Variants in SPAG16 observed in about 807,000 individuals in gnomAD.
The protein encoded by SPAG16 is sperm-associated antigen 16 protein.
A neutral mutation model predicts 80.4 loss-of-function variants in SPAG16; 86 were observed. That is an observed-to-expected ratio of 1.07 (90% CI 0.90 to 1.28). The LOEUF (loss-of-function observed/expected upper bound fraction) is 1.28, where lower values mean the gene tolerates loss of function less well. SPAG16 is among the 50% of genes most tolerant of loss of function. The pLI is 0.00. For missense variants in SPAG16, 870 were observed against 765.3 expected, an observed-to-expected ratio of 1.14 and a Z score of -1.61; for synonymous variants, 294 against 265.9, an observed-to-expected ratio of 1.11 and a Z score of -1.03.
chr2:213,738,601 G>T (rs1197234235), intron 10 of SPAG16, among the ~76,000 whole-genome samples: 1 of 152,060 alleles, frequency 6.6e-6, no homozygotes, highest in East Asian at 1.9e-4. Flanking sequence ...TCAATACAGA[G>T]GTGCCATAAG....
At chr2:213,290,304 C>G (rs756779959) in intron 1 of SPAG16, among the ~76,000 whole-genome samples, 5 of 152,208 alleles carry the variant, frequency 3.3e-5, no homozygotes, top group African/African-American at 1.2e-4. Context: ...GAGCCTCAGT[C>G]TGTGTCTAGG....
intron 15 of SPAG16, among the ~76,000 whole-genome samples, chr2:214,196,066 T>G (rs1198717928): frequency 6.6e-6 from 1 of 151,978 alleles, no homozygotes; most frequent in Non-Finnish European, 1.5e-5. Context: ...TATTTAATAA[T>G]AATGAAAATT....
chr2:214,382,991 G>T (rs10175455), intron 15 of SPAG16, among the ~76,000 whole-genome samples: 1 of 151,346 alleles, frequency 6.6e-6, no homozygotes, highest in South Asian at 2.1e-4. Context: ...CTACTTTCAT[G>T]CCCCTGCCTC....
At chr2:213,539,214 C>A (rs1044144862) in intron 10 of SPAG16, among the ~76,000 whole-genome samples, 1 of 151,930 alleles carries the variant, frequency 6.6e-6, no homozygotes, top group Non-Finnish European at 1.5e-5. Context: ...TTCAGCTGTG[C>A]CAAAATTATC....
intron 10 of SPAG16, among the ~76,000 whole-genome samples, chr2:213,720,281 C>T (rs1277266108): frequency 6.6e-6 from 1 of 151,876 alleles, no homozygotes; most frequent in Non-Finnish European, 1.5e-5. Context: ...CACGTGTATA[C>T]CTATGTAATA....
intron 9 of SPAG16, among the ~76,000 whole-genome samples, chr2:213,475,673 G>A (rs560121655): frequency 9.9e-5 from 15 of 152,280 alleles, no homozygotes; most frequent in African/African-American, 3.1e-4. Context: ...CCTGCACTCT[G>A]TCCTAGCCTT....
chr2:213,445,059 G>A (rs76567160), intron 9 of SPAG16, among the ~76,000 whole-genome samples: 3,565 of 152,054 alleles, frequency 0.023, 58 homozygotes, highest in South Asian at 0.038. Context: ...GAATGAAACC[G>A]GACCCCTGTC....
At chr2:214,103,386 A>G (rs925004430) in intron 13 of SPAG16, among the ~76,000 whole-genome samples, 2 of 152,158 alleles carry the variant, frequency 1.3e-5, no homozygotes, top group Non-Finnish European at 2.9e-5. Context: ...ACTCAGTCAC[A>G]TGGCCACGCC....
At chr2:213,653,281 T>A (rs1032894672) in intron 10 of SPAG16, among the ~76,000 whole-genome samples, 4 of 152,204 alleles carry the variant, frequency 2.6e-5, no homozygotes, top group African/African-American at 9.6e-5. Context: ...ATCCTAATAG[T>A]AAAAAGGATG....
rs1001934880 is a variant in SPAG16, at chr2:214,285,189, T to C, written c.1721-124951T>C. Among the ~76,000 whole-genome samples the C allele has an allele frequency of 3.9e-5, 6 of 152,296 alleles. No homozygotes were observed. In the South Asian group the frequency reaches 6.2e-4, roughly 16 times the overall value. On this transcript the variant is annotated intron_variant, in intron 15 of 15. Transcript: ENST00000331683. ...TTAACAGGTGGGAGATGATACCTCA[T>C]TGTGGTTTTCAATAGTATTTCCCTG...
intron 15 of SPAG16, among the ~76,000 whole-genome samples, chr2:214,400,040 A>T (rs932461068): frequency 2.6e-5 from 4 of 152,072 alleles, no homozygotes; most frequent in Non-Finnish European, 5.9e-5. Context: ...ATTAATTAGA[A>T]CATTTTTAGG....
At chr2:214,370,372 A>ATTGC (rs1157246886) in intron 15 of SPAG16, among the ~76,000 whole-genome samples, 12 of 152,100 alleles carry the variant, frequency 7.9e-5, no homozygotes, top group Non-Finnish European at 2.9e-5. Context: ...TCTCATTTTG[A>ATTGC]TTGCTGTGCT....
intron 10 of SPAG16, among the ~76,000 whole-genome samples, chr2:213,779,170 A>G (rs2125576509): frequency 6.6e-6 from 1 of 152,168 alleles, no homozygotes; most frequent in South Asian, 2.1e-4. Flanking sequence ...CTACTCCATA[A>G]GTTTTCTTTG....
At chr2:213,496,912 T>C (rs2074518280) in intron 10 of SPAG16, among the ~76,000 whole-genome samples, 2 of 151,562 alleles carry the variant, frequency 1.3e-5, no homozygotes, top group Admixed American at 1.3e-4. Context: ...TTTTTATGTT[T>C]ACATCCCATC....
intron 10 of SPAG16, among the ~76,000 whole-genome samples, chr2:213,542,009 C>CA (rs35148800): frequency 2.6e-5 from 4 of 151,702 alleles, no homozygotes; most frequent in African/African-American, 7.3e-5. Flanking sequence ...TTTAATCCAG[C>CA]AAAAAAAGTC....
intron 10 of SPAG16, among the ~76,000 whole-genome samples, chr2:213,574,986 T>C (rs2060073198): frequency 6.6e-6 from 1 of 152,120 alleles, no homozygotes; most frequent in African/African-American, 2.4e-5. Flanking sequence ...ATCCGTTATT[T>C]TCCCTTTCGT....
At chr2:214,344,898 C>A (rs985652161) in intron 15 of SPAG16, among the ~76,000 whole-genome samples, 2 of 152,144 alleles carry the variant, frequency 1.3e-5, no homozygotes, top group South Asian at 4.1e-4. Flanking sequence ...CATTCATGCA[C>A]ATTTGACCAA....
chr2:213,472,801 C>T (rs982582234), intron 9 of SPAG16, among the ~76,000 whole-genome samples: 1 of 152,184 alleles, frequency 6.6e-6, no homozygotes, highest in African/African-American at 2.4e-5. Context: ...CATTTTGGGT[C>T]CCTAAGAATC....
At chr2:213,954,033 G>T (rs1575638820) in intron 12 of SPAG16, among the ~76,000 whole-genome samples, 1 of 151,896 alleles carries the variant, frequency 6.6e-6, no homozygotes. Context: ...TTACAATTCA[G>T]TATTTTTAGT....
Sources: allele counts gnomAD v4.1 joint callset (sites outside exome capture counted in the v4.1 genomes callset), GRCh38; gene constraint gnomAD v4.1.1; transcripts MANE v1.5; gene names NCBI Gene and HGNC (gene_info 2026-07-23, HGNC 2026-07-21).